KIF2A: variants seen among roughly 807,000 people sequenced by gnomAD.
KIF2A encodes kinesin family member 2A.
A neutral mutation model predicts 100.2 loss-of-function variants in KIF2A; 22 were observed. The observed-to-expected ratio is 0.22, with a 90% CI of 0.16 to 0.31. The LOEUF (loss-of-function observed/expected upper bound fraction) is 0.31, where lower values mean the gene tolerates loss of function less well. Among genes scored for constraint, KIF2A ranks in the 10% least tolerant of loss-of-function variants. KIF2A has a pLI of 1.00. For missense variants in KIF2A, 495 were observed against 898.7 expected (o/e 0.55, Z 5.74); for synonymous variants, 268 against 285.9 (o/e 0.94, Z 0.63).
At chr5:62,348,014 C>A in intron 2 of KIF2A, 34 bp from the exon 3 acceptor site, 1 of 1,585,824 alleles carries the variant, frequency 6.3e-7, no homozygotes, top group South Asian at 1.1e-5. Flanking sequence ...TCAAAATATA[C>A]TCTCAAAAGA....
chr5:62,332,841 TA>T (rs372758595), intron 1 of KIF2A, among the ~76,000 whole-genome samples: 11 of 152,220 alleles, frequency 7.2e-5, no homozygotes, highest in African/African-American at 2.7e-4. Flanking sequence ...TTTCTTCCAG[TA>T]TAATTGCTTT....
chr5:62,347,072 T>G, intron 1 of KIF2A, 58 bp from the exon 2 acceptor site: 2 of 849,338 alleles, frequency 2.4e-6, no homozygotes, highest in South Asian at 1.6e-5. Flanking sequence ...TATTTCACAG[T>G]GTTTAGGAAT....
chr5:62,390,596 AGGAACCTGCACACCACATT>A lies in KIF2A; in HGVS notation c.*5047_*5065del, dbSNP rs1317955454. 4.6e-5 allele frequency among the ~76,000 whole-genome samples: 7 copies of A among 152,182 alleles called. No individual in the cohort carries two copies. Among genetic ancestry groups the A allele is most frequent in the Admixed American group, 2.0e-4 (3 of 15,268 alleles). ...AGAGTTGGGGAAGGAGCAGGAAGGG[AGGAACCTGCACACCACATT>A]GGAACCTGCACACCACATTAACACA... On this transcript the variant is annotated 3_prime_UTR_variant, in exon 21 of 21. Transcript: ENST00000407818.
rs1398411438 is a variant in KIF2A at position 62,388,642 on chromosome 5, T to G, written c.*3073T>G. 5.8e-6 allele frequency: 1 copy of G among 173,386 alleles called. No individual in the cohort carries two copies. The highest frequency in any genetic ancestry group is 2.4e-5 in the African/African-American group (1 of 42,246). The allele number at this position is 173,386 out of a possible 1,614,324, so 10.7% of individuals were successfully genotyped here. ...CTAGTGAAGCATATTTTAACTTTTTTATTACTGGAGGAACAGAGCTAAAGG... is the reference window on the plus strand; with the variant it reads ...CTAGTGAAGCATATTTTAACTTTTTGATTACTGGAGGAACAGAGCTAAAGG... On this transcript the variant is annotated 3_prime_UTR_variant, in exon 21 of 21. Transcript: ENST00000407818.
intron 15 of KIF2A, among the ~76,000 whole-genome samples, chr5:62,365,934 G>T (rs186512490): frequency 6.6e-6 from 1 of 152,206 alleles, no homozygotes; most frequent in Non-Finnish European, 1.5e-5. Context: ...CCAGAAGGGA[G>T]AGTACCACAC....
At chr5:62,373,941 G>T in intron 18 of KIF2A, 104 bp downstream of exon 18, 1 of 942,696 alleles carries the variant, frequency 1.1e-6, no homozygotes, top group South Asian at 1.6e-5. Flanking sequence ...CTGTGGGTGT[G>T]GTGGCTCAAG....
At chr5:62,330,903 T>C (rs764245383) in intron 1 of KIF2A, among the ~76,000 whole-genome samples, 108 of 152,238 alleles carry the variant, frequency 7.1e-4, no homozygotes, top group Non-Finnish European at 1.2e-3. Flanking sequence ...TTTAAAAATA[T>C]GTGTACAAAT....
At chr5:62,332,542 T>A (rs1746707680) in intron 1 of KIF2A, among the ~76,000 whole-genome samples, 1 of 152,108 alleles carries the variant, frequency 6.6e-6, no homozygotes, top group Non-Finnish European at 1.5e-5. Flanking sequence ...AAATATTTAT[T>A]ATATTTATAT....
At chr5:62,344,027 T>C (rs1339810371) in intron 1 of KIF2A, among the ~76,000 whole-genome samples, 1 of 152,160 alleles carries the variant, frequency 6.6e-6, no homozygotes, top group Non-Finnish European at 1.5e-5. Flanking sequence ...CTGTGTAACT[T>C]TGAGCTTTAT....
In KIF2A at chr5:62,388,910, AAAT is replaced by A. The variant is rs1433197599; in HGVS notation, c.*3345_*3347del. 8.9e-6 allele frequency: 10 copies of A among 1,125,162 alleles called. No homozygotes were observed. The Admixed American group carries it at 9.2e-5, about 10-fold the overall frequency. The allele number at this position is 1,125,162 out of a possible 1,614,324, so 69.7% of individuals were successfully genotyped here. On this transcript the variant is annotated 3_prime_UTR_variant, in exon 21 of 21. Coordinates refer to ENST00000407818, the MANE Select transcript of KIF2A (RefSeq NM_001098511.3). ...AGTATTGAACCAAAAATAGTCAAGT[AAAT>A]AATGTCTCAGTAAAGCAAAAGCATT...
At chr5:62,308,916 A>G (rs1745435441) in intron 1 of KIF2A, among the ~76,000 whole-genome samples, 1 of 27,602 alleles carries the variant, frequency 3.6e-5, no homozygotes, top group Non-Finnish European at 9.8e-5. Flanking sequence ...AGCTCTTGTT[A>G]AAGTATGTGA....
intron 1 of KIF2A, among the ~76,000 whole-genome samples, chr5:62,309,715 G>A (rs1039158871): frequency 1.3e-5 from 2 of 152,144 alleles, no homozygotes; most frequent in East Asian, 1.9e-4. Context: ...TGCTGATGGC[G>A]ATCCATGTCC....
In KIF2A at chr5:62,361,569, G is replaced by A. The variant is rs376188113; in HGVS notation, c.1027+40G>A. The A allele has an allele frequency of 1.5e-5, 17 of 1,141,150 alleles. No homozygotes were observed. In the Middle Eastern group the frequency reaches 9.8e-4, roughly 66 times the overall value. The allele number at this position is 1,141,150 out of a possible 1,614,324, so 70.7% of individuals were successfully genotyped here. A position where few individuals can be genotyped will look rare whatever the true frequency, so the allele number is the denominator to read the frequency against. On this transcript the variant is annotated intron_variant, in intron 11 of 20. Transcript: ENST00000407818. ...TCCATAAAATTTGGAATATTCTTCT[G>A]TGGTATTATTCAGGTAACTTTGAAA...
intron 1 of KIF2A, among the ~76,000 whole-genome samples, chr5:62,343,177 C>G (rs544086513): frequency 1.3e-5 from 2 of 152,332 alleles, no homozygotes; most frequent in African/African-American, 4.8e-5. Context: ...ATCACTTCCA[C>G]TGGTTATTTA....
chr5:62,349,838 C>T (rs1322459449), intron 3 of KIF2A, among the ~76,000 whole-genome samples: 1 of 152,030 alleles, frequency 6.6e-6, no homozygotes, highest in Non-Finnish European at 1.5e-5. Context: ...TAGATCAGTG[C>T]CTGGCTCATA....
At chr5:62,370,127 C>T (rs1489763345) in intron 16 of KIF2A, among the ~76,000 whole-genome samples, 1 of 152,020 alleles carries the variant, frequency 6.6e-6, no homozygotes. Context: ...CTAAAAAATT[C>T]GGTTAGACAG....
chr5:62,326,180 T>C (rs1746370052), intron 1 of KIF2A, among the ~76,000 whole-genome samples: 1 of 152,234 alleles, frequency 6.6e-6, no homozygotes, highest in Non-Finnish European at 1.5e-5. Flanking sequence ...TCTGATCTAC[T>C]TTTTAGGTAC....
rs1460559265 is a variant in KIF2A at position 62,372,543 on chromosome 5, A to G, written c.1752A>G (p.Ser584=). The G allele has an allele frequency of 1.3e-5, 20 of 1,564,862 alleles. No homozygotes were observed. The highest frequency in any genetic ancestry group is 1.7e-5 in the Non-Finnish European group (19 of 1,135,950). ...ATGAATATGACGACTTTTCTCCTTC[A>G]GTTACCAGGTCTACTTCATTCTATA... ...PSYEYDDFSP[S]VTRVKELTVD... is the part of the protein sequence containing the mutation. Residue 584 remains serine, a synonymous_variant, in exon 17 of 21, where the codon TCA becomes TCG. Transcript: ENST00000407818.
rs1297962835 is a variant in KIF2A, at chr5:62,390,992, T to C, written c.*5423T>C. On this transcript the variant is annotated 3_prime_UTR_variant, in exon 21 of 21. Coordinates refer to ENST00000407818, the MANE Select transcript of KIF2A (RefSeq NM_001098511.3). Reference sequence around the variant, plus strand: ...AATCTTCTGGTATTATCTATCAATATAAGATTCAGAATAAATGAACGACAT... The same window carrying C: ...AATCTTCTGGTATTATCTATCAATACAAGATTCAGAATAAATGAACGACAT... 1 of 1,606,702 alleles carries C rather than the reference T, an allele frequency of 6.2e-7. No homozygotes were observed. The highest frequency in any genetic ancestry group is 1.7e-5 in the Admixed American group (1 of 60,018).
Sources: allele counts gnomAD v4.1 joint callset (sites outside exome capture counted in the v4.1 genomes callset), GRCh38; gene constraint gnomAD v4.1.1; transcripts MANE v1.5; gene names NCBI Gene and HGNC (gene_info 2026-07-23, HGNC 2026-07-21).